USP7: variants seen among roughly 807,000 people sequenced by gnomAD.
USP7 encodes the protein ubiquitin specific peptidase 7.
In USP7, 9 loss-of-function variants were observed where a neutral mutation model predicts 162.9. That is an observed-to-expected ratio of 0.06 (90% CI 0.03 to 0.10). The LOEUF is 0.10. Among genes scored for constraint, USP7 ranks in the 10% least tolerant of loss-of-function variants. The pLI is 1.00. For missense variants in USP7, 715 were observed against 1,373.7 expected, an observed-to-expected ratio of 0.52 and a Z score of 7.58; for synonymous variants, 562 against 475.9, an observed-to-expected ratio of 1.18 and a Z score of -2.35.
intron 16 of USP7, among the ~76,000 whole-genome samples, chr16:8,902,932 G>A (rs887229201): frequency 6.6e-6 from 1 of 152,132 alleles, no homozygotes; most frequent in Non-Finnish European, 1.5e-5. Flanking sequence ...ATTCTTCCCC[G>A]GTTGATTTGG....
At chr16:8,926,454 G>A (rs946599166) in intron 2 of USP7, among the ~76,000 whole-genome samples, 1 of 152,112 alleles carries the variant, frequency 6.6e-6, no homozygotes, top group East Asian at 1.9e-4. Context: ...ACTCCAGCCT[G>A]GGCAACAAGA....
At chr16:8,929,359 G>A (rs534226293) in intron 2 of USP7, 3 of 402,358 alleles carry the variant, frequency 7.5e-6, no homozygotes, top group Admixed American at 2.8e-5. Flanking sequence ...TTTAGACCAC[G>A]CCTCTTTACC....
At chr16:8,938,170 A>G (rs1898855443) in intron 1 of USP7, among the ~76,000 whole-genome samples, 2 of 152,140 alleles carry the variant, frequency 1.3e-5, no homozygotes, top group South Asian at 4.1e-4. Context: ...CACTCCGAGA[A>G]GGCTGAAGTT....
chr16:8,902,678 G>A (rs1459363183), intron 16 of USP7, among the ~76,000 whole-genome samples, 196 bp from the exon 17 acceptor site: 9 of 151,862 alleles, frequency 5.9e-5, no homozygotes, highest in Admixed American at 3.9e-4. Flanking sequence ...TCACGAGGTC[G>A]GGAGTTCAAG....
chr16:8,934,412 C>T (rs1247969734), intron 1 of USP7, among the ~76,000 whole-genome samples: 3 of 152,176 alleles, frequency 2.0e-5, no homozygotes, highest in African/African-American at 7.2e-5. Context: ...CCAAAAGTTA[C>T]AGCAATAATA....
chr16:8,899,281 G>T, intron 22 of USP7, 93 bp from the exon 23 acceptor site: 1 of 1,264,198 alleles, frequency 7.9e-7, no homozygotes, highest in Non-Finnish European at 1.1e-6. Flanking sequence ...GCCATGAGCA[G>T]CCTGAATTTA....
At chr16:8,902,251 TAC>T in intron 17 of USP7, 64 bp from the exon 18 acceptor site, 1 of 1,586,502 alleles carries the variant, frequency 6.3e-7, no homozygotes. Context: ...AGCGAAAAAC[TAC>T]AGTCAAGTAT....
chr16:8,944,994 G>C (rs906391718), intron 1 of USP7, among the ~76,000 whole-genome samples: 1 of 152,228 alleles, frequency 6.6e-6, no homozygotes. Flanking sequence ...GCTCACGCCT[G>C]TAATCCCAGC....
Position 8,901,200 on chromosome 16 carries a change from G to C in USP7, c.2082C>G (p.Pro694=), listed in dbSNP as rs747357236. ...CACAGTAATTCAAGCTCCGCGTTTT[G>C]GGATCATACATCTTCAAAAATAACA... ...DVMLFLKMYD[P]KTRSLNYCGH... Residue 694 remains proline (P), a synonymous_variant, in exon 19 of 31, where the codon CCC becomes CCG. Transcript: ENST00000344836. The C allele has an allele frequency of 2.5e-6, 4 of 1,613,706 alleles. No homozygotes were observed. Among genetic ancestry groups the C allele is most frequent in the Admixed American group, 3.3e-5 (2 of 60,000 alleles).
At chr16:8,895,510 G>T in intron 27 of USP7, 132 bp downstream of exon 27, 1 of 847,268 alleles carries the variant, frequency 1.2e-6, no homozygotes, top group Non-Finnish European at 1.9e-6. Context: ...GTCCACTCAT[G>T]GAATCATATA....
chr16:8,923,462 A>G, intron 2 of USP7, 49 bp from the exon 3 acceptor site: 1 of 1,588,816 alleles, frequency 6.3e-7, no homozygotes, highest in South Asian at 1.1e-5. Flanking sequence ...ATTGACCAAA[A>G]GCACTAGCAT....
chr16:8,942,578 C>T (rs1189591127), intron 1 of USP7, among the ~76,000 whole-genome samples: 1 of 152,192 alleles, frequency 6.6e-6, no homozygotes, highest in Non-Finnish European at 1.5e-5. Context: ...GACAGGGTCT[C>T]GCTCTGTTGG....
rs1028606501 is a variant in USP7 at position 8,963,110 on chromosome 16, G to A, written c.79+97C>T. 6.0e-6 allele frequency: 7 copies of A among 1,159,792 alleles called. No homozygotes were observed. The African/African-American group carries it at 1.0e-4, about 17-fold the overall frequency. The allele number at this position is 1,159,792 out of a possible 1,614,324, so 71.8% of individuals were successfully genotyped here. ...AGGCCCGGCGGCCGCCCGGGGCCTG[G>A]TTAAAGATGGCGAGCCCCTCGCGTG... On this transcript the variant is annotated intron_variant, in intron 1 of 30. Coordinates refer to ENST00000344836, the MANE Select transcript of USP7 (RefSeq NM_003470.3).
At chr16:8,955,715 A>AAC (rs1555472003) in intron 1 of USP7, among the ~76,000 whole-genome samples, 2 of 151,524 alleles carry the variant, frequency 1.3e-5, no homozygotes, top group South Asian at 2.1e-4. Context: ...AAAAAAAAAA[A>AAC]AAAAAAAAAA....
At chr16:8,962,155 C>T (rs1026482338) in intron 1 of USP7, among the ~76,000 whole-genome samples, 5 of 152,342 alleles carry the variant, frequency 3.3e-5, no homozygotes, top group South Asian at 2.1e-4. Context: ...CCTGGAGCTT[C>T]ATTCATTGAG....
At chr16:8,926,069 G>T (rs997811713) in intron 2 of USP7, among the ~76,000 whole-genome samples, 4 of 152,136 alleles carry the variant, frequency 2.6e-5, no homozygotes, top group African/African-American at 9.6e-5. Flanking sequence ...CAGGAGAATG[G>T]CGTGAACCCG....
At chr16:8,924,027 AT>A (rs148081930) in intron 2 of USP7, among the ~76,000 whole-genome samples, 1 of 152,028 alleles carries the variant, frequency 6.6e-6, no homozygotes, top group Non-Finnish European at 1.5e-5. Flanking sequence ...AAGAACTGGT[AT>A]TTTTTCCCAC....
At position 8,915,459 on chromosome 16, in the gene USP7, G is replaced by A. The variant is rs765536244; in HGVS notation, c.973C>T (p.Arg325Cys). The A allele has an allele frequency of 2.5e-6, 4 of 1,613,376 alleles. No homozygotes were observed. The highest frequency in any genetic ancestry group is 3.4e-6 in the Non-Finnish European group (4 of 1,179,938). ...CVEGTIPKLFRGKMVSYIQCK... is the reference protein window; with the variant it reads ...CVEGTIPKLFCGKMVSYIQCK... ...TAGCCACATACCACCATTTTGCCGC[G>A]GAATAATTTGGGTATGGTGCCCTCT... is the stretch of plus-strand genomic sequence containing the variant. The change falls in exon 9 of 31, where the codon CGC becomes TGC. Residue 325 changes from arginine to cysteine, a missense_variant. Arg to Cys is a radical substitution (Grantham distance 180). This residue lies in a region of USP7 where 15 missense variants were observed against 27.0 expected (regional missense o/e 0.56). Transcript: ENST00000344836.
Position 8,898,423 on chromosome 16 carries a change from G to T in USP7, c.2655C>A (p.Ile885=). The T allele has an allele frequency of 2.5e-6, 4 of 1,613,054 alleles. No homozygotes were observed. Among genetic ancestry groups the T allele is most frequent in the Non-Finnish European group, 3.4e-6 (4 of 1,179,808 alleles). The change falls in exon 25 of 31, where the codon ATC becomes ATA. Residue 885 remains isoleucine (I), a synonymous_variant. Coordinates refer to ENST00000344836, the MANE Select transcript of USP7 (RefSeq NM_003470.3). The stretch of plus-strand genomic sequence containing the variant: ...AACTTCGCCTGTTCTCAAAGTCTGT[G>T]ATTTTCATCTTAAGCTATTAAGAAA... ...KLYYQQLKMK[I]TDFENRRSFK...
Sources: gnomAD v4.1 joint callset for allele counts (sites outside exome capture counted in the v4.1 genomes callset) on GRCh38, gnomAD v4.1.1 for gene constraint, gnomAD v4.1.1 regional missense constraint, MANE v1.5 for transcripts, NCBI Gene and HGNC (gene_info 2026-07-23, HGNC 2026-07-21) for gene names.